The following MACROD2 variants were observed in gnomAD, a reference collection of about 807,000 sequenced individuals.
MACROD2 encodes mono-ADP ribosylhydrolase 2.
A neutral mutation model predicts 70.4 loss-of-function variants in MACROD2; 36 were observed. The ratio of observed to expected loss-of-function variants is 0.51; its 90% CI spans 0.39 to 0.68. The LOEUF is 0.68. Ranked by LOEUF, MACROD2 falls within the 30% of genes least tolerant of loss-of-function variation. MACROD2 has a pLI of 0.00. For missense variants in MACROD2, 496 were observed against 538.4 expected, an observed-to-expected ratio of 0.92 and a Z score of 0.78; for synonymous variants, 172 against 178.8, an observed-to-expected ratio of 0.96 and a Z score of 0.30.
chr20:14,971,450 A>AG (rs78535762), intron 5 of MACROD2, among the ~76,000 whole-genome samples: 21,714 of 151,374 alleles, frequency 0.14, 1,878 homozygotes, highest in East Asian at 0.33. Flanking sequence ...AGGTAAAGGG[A>AG]GGGGGGGGAC....
chr20:15,622,059 A>C (rs1468786004), intron 8 of MACROD2, among the ~76,000 whole-genome samples: 1 of 152,220 alleles, frequency 6.6e-6, no homozygotes, highest in African/African-American at 2.4e-5. Context: ...GTGGATGCAC[A>C]CTGAAGGGGA....
At chr20:14,588,780 C>T (rs1026781077) in intron 4 of MACROD2, among the ~76,000 whole-genome samples, 23 of 152,232 alleles carry the variant, frequency 1.5e-4, no homozygotes, top group Admixed American at 3.9e-4. Flanking sequence ...ATATTATCTA[C>T]GTTACATGAT....
At chr20:15,201,521 C>T (rs1358146373) in intron 5 of MACROD2, among the ~76,000 whole-genome samples, 1 of 152,198 alleles carries the variant, frequency 6.6e-6, no homozygotes, top group Non-Finnish European at 1.5e-5. Context: ...ATACGTGCAA[C>T]TGTCACACAT....
chr20:14,204,420 C>T (rs561607778), intron 3 of MACROD2, among the ~76,000 whole-genome samples: 15 of 152,204 alleles, frequency 9.9e-5, no homozygotes, highest in African/African-American at 2.9e-4. Flanking sequence ...TAGAGCAGGA[C>T]GTAGTCTGGT....
At chr20:14,944,249 G>A (rs1007404677) in intron 5 of MACROD2, among the ~76,000 whole-genome samples, 25 of 152,256 alleles carry the variant, frequency 1.6e-4, no homozygotes, top group Admixed American at 1.5e-3. Context: ...GAGGGCTGGG[G>A]AAGGCAAGGA....
intron 6 of MACROD2, among the ~76,000 whole-genome samples, chr20:15,281,545 C>T (rs556248846): frequency 1.3e-5 from 2 of 152,218 alleles, no homozygotes; most frequent in East Asian, 3.9e-4. Context: ...CCAATAGAGC[C>T]CTCATTAAAC....
rs1601057668 is a variant in MACROD2 at position 15,885,423 on chromosome 20, G to A, written c.728-341G>A. Among the ~76,000 whole-genome samples, 4 of 152,234 alleles carry A rather than the reference G, an allele frequency of 2.6e-5. No individual in the cohort carries two copies. The East Asian group carries it at 7.7e-4, about 29-fold the overall frequency. On this transcript the variant is annotated intron_variant, in intron 9 of 17. Coordinates refer to ENST00000684519, the MANE Select transcript of MACROD2 (RefSeq NM_001351661.2). ...GACCTTTAACAAAGTTAGAACATGT[G>A]GCATTTAAAGTCTGTGATTTTTAAT...
rs1460551246 is a variant in MACROD2, at chr20:14,747,177, C to A, written c.418+62218C>A. Among the ~76,000 whole-genome samples the A allele has an allele frequency of 2.0e-5, 3 of 152,096 alleles. No homozygotes were observed. In the East Asian group the frequency reaches 5.8e-4, roughly 29 times the overall value. On this transcript the variant is annotated intron_variant, in intron 5 of 17. Transcript: ENST00000684519. Reference sequence around the variant, plus strand: ...CCCAGAGCTCATTCTTCTATAGCAGCCCTGTCAGTAGGAGTGAGAACTTTC... The same window carrying A: ...CCCAGAGCTCATTCTTCTATAGCAGACCTGTCAGTAGGAGTGAGAACTTTC...
intron 5 of MACROD2, among the ~76,000 whole-genome samples, chr20:14,796,308 G>T (rs903647043): frequency 6.6e-6 from 1 of 151,976 alleles, no homozygotes. Context: ...TAGGGCATTC[G>T]CTGAAAATGA....
At chr20:15,589,287 A>C in intron 8 of MACROD2, among the ~76,000 whole-genome samples, 1 of 152,202 alleles carries the variant, frequency 6.6e-6, no homozygotes, top group East Asian at 1.9e-4. Flanking sequence ...ATTCTGGGAG[A>C]TACAATTCAA....
chr20:15,758,794 C>T (rs974453922), intron 8 of MACROD2, among the ~76,000 whole-genome samples: 2 of 151,938 alleles, frequency 1.3e-5, no homozygotes, highest in African/African-American at 2.4e-5. Context: ...CCTCCTGTCT[C>T]GGCCTCCCAA....
chr20:15,655,743 C>A (rs1034824381), intron 8 of MACROD2, among the ~76,000 whole-genome samples: 6 of 152,186 alleles, frequency 3.9e-5, no homozygotes, highest in Non-Finnish European at 8.8e-5. Flanking sequence ...TCCTCCCTCC[C>A]TGCCACCTTT....
intron 5 of MACROD2, among the ~76,000 whole-genome samples, chr20:14,745,232 A>G (rs2071784714): frequency 6.6e-6 from 1 of 152,190 alleles, no homozygotes; most frequent in South Asian, 2.1e-4. Context: ...AATATATCCA[A>G]CTAAAAAAAT....
intron 5 of MACROD2, among the ~76,000 whole-genome samples, chr20:14,963,817 A>G (rs1483232272): frequency 1.3e-5 from 2 of 152,216 alleles, no homozygotes; most frequent in African/African-American, 4.8e-5. Flanking sequence ...CTCAAATCTT[A>G]TAGCAATTTA....
intron 4 of MACROD2, among the ~76,000 whole-genome samples, chr20:14,577,335 A>G: frequency 6.6e-6 from 1 of 152,348 alleles, no homozygotes; most frequent in East Asian, 1.9e-4. Context: ...AAACATACGT[A>G]TCAATAAATA....
chr20:14,415,320 A>G (rs904975925), intron 3 of MACROD2, among the ~76,000 whole-genome samples: 7 of 149,858 alleles, frequency 4.7e-5, no homozygotes, highest in Admixed American at 1.3e-4. Flanking sequence ...ATTTTTATCA[A>G]TCTAACATCT....
At chr20:14,965,995 G>A (rs2074633199) in intron 5 of MACROD2, among the ~76,000 whole-genome samples, 1 of 152,144 alleles carries the variant, frequency 6.6e-6, no homozygotes, top group African/African-American at 2.4e-5. Flanking sequence ...GAATATTCAA[G>A]GAGATGACAA....
rs187823496 is a variant in MACROD2 at position 14,382,047 on chromosome 20, T to C, written c.272-111432T>C. Among the ~76,000 whole-genome samples, 5 of 147,514 alleles carry C rather than the reference T, an allele frequency of 3.4e-5. No individual in the cohort carries two copies. The Admixed American group carries it at 3.5e-4, about 10-fold the overall frequency. ...TTGTTTGTTTTGGTACCACATATACTATAATGGGATTGATTTTTTTTTTTT... is the reference window on the plus strand; with the variant it reads ...TTGTTTGTTTTGGTACCACATATACCATAATGGGATTGATTTTTTTTTTTT... On this transcript the variant is annotated intron_variant, in intron 3 of 17. Coordinates refer to ENST00000684519, the MANE Select transcript of MACROD2 (RefSeq NM_001351661.2).
intron 7 of MACROD2, among the ~76,000 whole-genome samples, chr20:15,493,885 G>A (rs542488391): frequency 6.6e-6 from 1 of 152,258 alleles, no homozygotes; most frequent in East Asian, 1.9e-4. Context: ...CCAAGTGAAA[G>A]GAAAATGTCC....
Sources: gnomAD v4.1 joint callset for allele counts (sites outside exome capture counted in the v4.1 genomes callset) on GRCh38, gnomAD v4.1.1 for gene constraint, MANE v1.5 for transcripts, NCBI Gene and HGNC (gene_info 2026-07-23, HGNC 2026-07-21) for gene names.